CDC25C: variants seen among roughly 807,000 people sequenced by gnomAD.
CDC25C encodes M-phase inducer phosphatase 3.
Under a neutral mutation model 52.5 loss-of-function variants are expected in CDC25C, and 48 were observed. The ratio of observed to expected loss-of-function variants is 0.91; its 90% CI spans 0.72 to 1.16. The LOEUF is 1.16. Ranked by LOEUF, CDC25C falls within the 50% of genes most tolerant of loss-of-function variation. The pLI, the probability that CDC25C is intolerant of heterozygous loss-of-function variation, is 0.00. For missense variants in CDC25C, 510 were observed against 566.1 expected, an observed-to-expected ratio of 0.90 and a Z score of 1.01; for synonymous variants, 187 against 206.5, an observed-to-expected ratio of 0.91 and a Z score of 0.81.
intron 1 of CDC25C, chr5:138,337,053 A>G (rs1196688581): frequency 6.6e-6 from 1 of 152,254 alleles, no homozygotes; most frequent in Non-Finnish European, 1.5e-5. Context: ...GTAATAGTGA[A>G]GATTACTTGC....
At chr5:138,306,899 A>G (rs1421505236) in intron 7 of CDC25C, among the ~76,000 whole-genome samples, 1 of 150,876 alleles carries the variant, frequency 6.6e-6, no homozygotes, top group Non-Finnish European at 1.5e-5. Context: ...GCTGGAGTGC[A>G]GCGGCACGAT....
chr5:138,337,889 G>C (rs1378296196), intron 1 of CDC25C: 2 of 1,169,664 alleles, frequency 1.7e-6, no homozygotes, highest in Non-Finnish European at 2.3e-6. Context: ...GACGCGGCCC[G>C]AACCGAGTGG....
Position 138,316,675 on chromosome 5 carries a change from A to G in CDC25C, c.615+2544T>C, listed in dbSNP as rs571210342. Among the ~76,000 whole-genome samples, 29 of 152,258 alleles carry G rather than the reference A, an allele frequency of 1.9e-4. No individual in the cohort carries two copies. In the South Asian group the frequency reaches 5.8e-3, roughly 30 times the overall value. On this transcript the variant is annotated intron_variant, in intron 7 of 13. Coordinates refer to ENST00000323760, the MANE Select transcript of CDC25C (RefSeq NM_001790.5). ...GGCCCAGGCTCAGCCAGAGCAGGGT[A>G]GAGGATGGAGAAAAGATCAGACAAC...
intron 10 of CDC25C, among the ~76,000 whole-genome samples, chr5:138,288,005 C>A (rs1756391795): frequency 1.3e-5 from 2 of 152,008 alleles, no homozygotes; most frequent in South Asian, 2.1e-4. Flanking sequence ...AATATAGATA[C>A]CTTATTGATA....
chr5:138,295,981 T>C (rs919724253), intron 7 of CDC25C, among the ~76,000 whole-genome samples: 2 of 152,160 alleles, frequency 1.3e-5, no homozygotes, highest in African/African-American at 4.8e-5. Context: ...ATTATTATTT[T>C]ATAAACTGAA....
At chr5:138,288,232 C>T (rs761447891) in intron 10 of CDC25C, among the ~76,000 whole-genome samples, 1 of 152,080 alleles carries the variant, frequency 6.6e-6, no homozygotes, top group Non-Finnish European at 1.5e-5. Context: ...TGCGCTACCA[C>T]ACCCAGCTAA....
intron 4 of CDC25C, among the ~76,000 whole-genome samples, chr5:138,327,600 G>A (rs1254452035): frequency 1.3e-5 from 2 of 151,982 alleles, no homozygotes; most frequent in East Asian, 3.9e-4. Context: ...TGGCACCACT[G>A]CACTCCATCC....
intron 11 of CDC25C, 107 bp downstream of exon 11, chr5:138,287,062 A>T: frequency 1.4e-6 from 1 of 707,724 alleles, no homozygotes; most frequent in Admixed American, 2.6e-5. Flanking sequence ...TCAAATATGT[A>T]ATCTTTGTCC....
At chr5:138,292,480 CAAAAA>C (rs70982703) in intron 7 of CDC25C, among the ~76,000 whole-genome samples, 1 of 63,510 alleles carries the variant, frequency 1.6e-5, no homozygotes, top group Non-Finnish European at 2.8e-5. Flanking sequence ...GTTATGTGAC[CAAAAA>C]AAAAAAAAAA....
chr5:138,287,122 G>C (rs912971081), intron 11 of CDC25C, 47 bp downstream of exon 11: 2 of 1,285,548 alleles, frequency 1.6e-6, no homozygotes, highest in Admixed American at 1.7e-5. Flanking sequence ...TCTCAATAAA[G>C]AGTTATCTCC....
intron 11 of CDC25C, 88 bp from the exon 12 acceptor site, chr5:138,286,718 T>A (rs956842548): frequency 4.0e-6 from 5 of 1,261,608 alleles, no homozygotes; most frequent in African/African-American, 3.0e-5. Flanking sequence ...CAACCTGGGA[T>A]AATGTGGACC....
chr5:138,302,107 G>C (rs1027048173), intron 7 of CDC25C, among the ~76,000 whole-genome samples: 2 of 151,886 alleles, frequency 1.3e-5, no homozygotes, highest in Non-Finnish European at 2.9e-5. Context: ...CGATTCTCCT[G>C]CCTCAGCCTC....
chr5:138,321,750 C>CAAAAAAAA (rs531353746), intron 6 of CDC25C, among the ~76,000 whole-genome samples: 2 of 47,192 alleles, frequency 4.2e-5, no homozygotes, highest in Admixed American at 3.0e-4. Flanking sequence ...GACTCTGTCT[C>CAAAAAAAA]AAAAAAAAAA....
chr5:138,334,059 G>A (rs537892095), upstream of CDC25C, among the ~76,000 whole-genome samples: 1 of 151,822 alleles, frequency 6.6e-6, no homozygotes, highest in African/African-American at 2.4e-5. Flanking sequence ...TCAGCCTCCC[G>A]AGTAGCTGGG....
chr5:138,316,326 C>T (rs1182928445), intron 7 of CDC25C, among the ~76,000 whole-genome samples: 1 of 152,202 alleles, frequency 6.6e-6, no homozygotes, highest in African/African-American at 2.4e-5. Flanking sequence ...ACCCTCAGGG[C>T]AGCACCCTGC....
chr5:138,309,881 A>G (rs1469254545), intron 7 of CDC25C, among the ~76,000 whole-genome samples: 1 of 151,776 alleles, frequency 6.6e-6, no homozygotes, highest in Non-Finnish European at 1.5e-5. Context: ...TAATTTTTGT[A>G]TTTTTAGTAG....
chr5:138,299,150 A>C (rs1209533240), intron 7 of CDC25C, among the ~76,000 whole-genome samples: 3 of 140,912 alleles, frequency 2.1e-5, no homozygotes, highest in African/African-American at 7.8e-5. Flanking sequence ...CCAAGATCGC[A>C]CCACTGCACT....
intron 2 of CDC25C, 88 bp from the exon 3 acceptor site, chr5:138,329,735 T>TC: frequency 1.5e-6 from 1 of 684,752 alleles, no homozygotes. Flanking sequence ...TCTTTTTTTT[T>TC]TTTTTTTTTT....
In CDC25C at chr5:138,287,168, C is replaced by A; in HGVS notation, c.1026+1G>T. 6.2e-7 allele frequency: 1 copy of A among 1,607,742 alleles called. No individual in the cohort carries two copies. Among genetic ancestry groups the A allele is most frequent in the Non-Finnish European group, 8.5e-7 (1 of 1,174,226 alleles). ...TACTAATGGCCACAATGTCGTCTCA[C>A]CTGGATGTGTCCTCCCAGATACTCA... On this transcript the variant is annotated splice_donor_variant, in intron 11 of 13. Coordinates refer to ENST00000323760, the MANE Select transcript of CDC25C (RefSeq NM_001790.5). LOFTEE classifies it high-confidence loss of function.
Sources: gnomAD v4.1 joint callset for allele counts (sites outside exome capture counted in the v4.1 genomes callset) on GRCh38, gnomAD v4.1.1 for gene constraint, MANE v1.5 for transcripts, NCBI Gene and HGNC (gene_info 2026-07-23, HGNC 2026-07-21) for gene names.